The following PDE4DIP variants were observed in gnomAD, a reference collection of about 807,000 sequenced individuals.
PDE4DIP encodes the protein myomegalin.
In PDE4DIP, 59 loss-of-function variants were observed where a neutral mutation model predicts 221.4. The ratio of observed to expected loss-of-function variants is 0.27; its 90% CI spans 0.22 to 0.33. PDE4DIP has a LOEUF of 0.33. PDE4DIP is among the 10% of genes least tolerant of loss of function. The probability of loss-of-function intolerance (pLI) is 1.00; values close to 1 mark genes in which losing one functional copy is unlikely to be tolerated. For missense variants in PDE4DIP, 1,036 were observed against 2,154.2 expected, an observed-to-expected ratio of 0.48 and a Z score of 10.28; for synonymous variants, 404 against 815.9, an observed-to-expected ratio of 0.50 and a Z score of 8.60.
chr1:149,014,658 A>G (rs1553608967), intron 32 of PDE4DIP, among the ~76,000 whole-genome samples: 1 of 114,074 alleles, frequency 8.8e-6, no homozygotes, highest in Admixed American at 9.6e-5. Context: ...CTAGATGAGG[A>G]AGATTGTAGC....
intron 3 of PDE4DIP, among the ~76,000 whole-genome samples, chr1:148,876,920 A>G (rs1691645236): frequency 7.3e-6 from 1 of 137,652 alleles, no homozygotes; most frequent in Non-Finnish European, 1.5e-5. Flanking sequence ...AGGCTGAGGC[A>G]GGAGAATCGC....
At chr1:148,989,698 A>T (rs1467148235) in intron 21 of PDE4DIP, among the ~76,000 whole-genome samples, 1 of 152,188 alleles carries the variant, frequency 6.6e-6, no homozygotes, top group Non-Finnish European at 1.5e-5. Flanking sequence ...CAAAAGAGAA[A>T]CAATGTGAAC....
At chr1:148,962,444 C>G (rs782105448) in exon 9 of PDE4DIP, 4 of 642,572 alleles carry the variant, frequency 6.2e-6, no homozygotes, top group South Asian at 3.9e-5. Flanking sequence ...GAGGGTACTT[C>G]TCCAGCTCAG....
In PDE4DIP at chr1:148,819,978, C is replaced by T. The variant is rs868959355; in HGVS notation, c.233+11241C>T. ...AGTCCTGCTCTGTTTCCCAGGCTGGCGTGCAGCGGCGCGATCTGGCTCACT... is the reference window on the plus strand; with the variant it reads ...AGTCCTGCTCTGTTTCCCAGGCTGGTGTGCAGCGGCGCGATCTGGCTCACT... On this transcript the variant is annotated intron_variant, in intron 1 of 45. Coordinates refer to the PDE4DIP transcript ENST00000524974. 4.1e-4 allele frequency among the ~76,000 whole-genome samples: 10 copies of T among 24,492 alleles called. No homozygotes were observed. In the East Asian group the frequency reaches 0.02, roughly 48 times the overall value. 16.1% of individuals were successfully genotyped at this position (24,492 alleles called of 152,430 possible). A position where few individuals can be genotyped will look rare whatever the true frequency, so the allele number is the denominator to read the frequency against.
chr1:148,964,125 T>C (rs1412650412), intron 9 of PDE4DIP, among the ~76,000 whole-genome samples: 1 of 148,246 alleles, frequency 6.7e-6, no homozygotes, highest in Admixed American at 6.7e-5. Context: ...TTTTTTTTTT[T>C]TGAGACAGAG....
intron 19 of PDE4DIP, 49 bp downstream of exon 22, chr1:148,978,464 A>G: frequency 8.3e-7 from 1 of 1,206,782 alleles, no homozygotes; most frequent in Non-Finnish European, 1.2e-6. Context: ...ATTTTTTTGT[A>G]TTCTTTTTTT....
Position 149,030,073 on chromosome 1 carries a change from A to G in PDE4DIP, c.6952+148A>G, listed in dbSNP as rs1173228007. On this transcript the variant is annotated intron_variant, in intron 42 of 43. Transcript: ENST00000369354. ...CCCCAAACCTCCTGTACCAGGAGCA[A>G]TTGTGGCTGCAGAGGGAGGGGAGGA... The G allele has an allele frequency of 1.3e-3, 1,429 of 1,087,730 alleles. 22 individuals are homozygous for G. In the East Asian group the frequency reaches 0.034, roughly 26 times the overall value. The allele number at this position is 1,087,730 out of a possible 1,614,324, so 67.4% of individuals were successfully genotyped here.
At position 148,968,080 on chromosome 1, in the gene PDE4DIP, G is replaced by A. The variant is rs587604870; in HGVS notation, c.1785+175G>A. 2.1e-3 allele frequency among the ~76,000 whole-genome samples: 320 copies of A among 149,040 alleles called. 1 individual carries two copies. Among genetic ancestry groups the A allele is most frequent in the Middle Eastern group, 7.0e-3 (2 of 284 alleles). ...TTTTTCCCCACGTCTAGAAACTTAA[G>A]TTGGCAATTAACTTTCTCAAAGAAC... is the stretch of plus-strand genomic sequence containing the variant. On this transcript the variant is annotated intron_variant, in intron 13 of 43. Transcript: ENST00000369354.
intron 1 of PDE4DIP, among the ~76,000 whole-genome samples, chr1:148,820,716 G>T (rs1232463032): frequency 6.1e-5 from 6 of 98,264 alleles, no homozygotes; most frequent in Middle Eastern, 5.1e-3. Context: ...TTTTTTTTTG[G>T]GGGGGGGGTG....
At chr1:149,022,834 A>T (rs2073479975) in intron 37 of PDE4DIP, among the ~76,000 whole-genome samples, 1 of 151,818 alleles carries the variant, frequency 6.6e-6, no homozygotes, top group Non-Finnish European at 1.5e-5. Context: ...TGGAATTGGG[A>T]GACATTAGAA....
chr1:149,030,391 C>T (rs1698584), intron 43 of PDE4DIP, 113 bp downstream of exon 46: 51 of 1,526,984 alleles, frequency 3.3e-5, no homozygotes, highest in East Asian at 2.5e-4. Flanking sequence ...CAGGAGAAGA[C>T]TTGGGGTCCA....
intron 5 of PDE4DIP, among the ~76,000 whole-genome samples, chr1:148,947,136 T>G (rs1236832844): frequency 1.3e-5 from 2 of 152,284 alleles, no homozygotes; most frequent in Non-Finnish European, 2.9e-5. Flanking sequence ...TTGATTGATT[T>G]AACAAATACT....
chr1:148,962,324 G>T (rs782674429), intron 8 of PDE4DIP, 36 bp downstream of exon 11: 3 of 1,521,364 alleles, frequency 2.0e-6, no homozygotes, highest in Non-Finnish European at 2.7e-6. Context: ...AGAGACTTCA[G>T]TTGGGGATGT....
In PDE4DIP at chr1:148,977,674, G is replaced by C. The variant is rs1400910637; in HGVS notation, c.2320-263G>C. 2.0e-5 allele frequency among the ~76,000 whole-genome samples: 3 copies of C among 152,174 alleles called. No homozygotes were observed. In the East Asian group the frequency reaches 5.8e-4, roughly 29 times the overall value. ...TGCTAATGGTAACCATTCTTTTTCA[G>C]TATCATAATAAGCTTGTTAAACAAA... On this transcript the variant is annotated intron_variant, in intron 17 of 43. Coordinates refer to ENST00000369354, the Ensembl canonical transcript of PDE4DIP.
At chr1:148,949,618 A>T (rs1373666438) in intron 5 of PDE4DIP, among the ~76,000 whole-genome samples, 4 of 152,242 alleles carry the variant, frequency 2.6e-5, no homozygotes, top group Non-Finnish European at 5.9e-5. Flanking sequence ...CTTGACCACA[A>T]GATAATAATG....
chr1:148,838,931 G>A (rs1281926939), intron 1 of PDE4DIP, among the ~76,000 whole-genome samples: 1 of 21,952 alleles, frequency 4.6e-5, no homozygotes, highest in Non-Finnish European at 1.1e-4. Flanking sequence ...CATTTTTCTC[G>A]AGGCCTTTCT....
chr1:149,011,238 G>A (rs587637243), intron 31 of PDE4DIP, among the ~76,000 whole-genome samples: 6 of 80,558 alleles, frequency 7.4e-5, no homozygotes, highest in East Asian at 4.7e-4. Flanking sequence ...CCTTGTCTTC[G>A]CCTCCTACCT....
At chr1:148,951,925 C>T (rs2053416357) in intron 5 of PDE4DIP, 2 of 671,766 alleles carry the variant, frequency 3.0e-6, no homozygotes, top group Non-Finnish European at 3.7e-6. Flanking sequence ...TGCCTCGCAG[C>T]CTCAGGCCCT....
chr1:149,009,017 G>A (rs587715287), intron 29 of PDE4DIP, among the ~76,000 whole-genome samples: 1 of 152,136 alleles, frequency 6.6e-6, no homozygotes, highest in Non-Finnish European at 1.5e-5. Context: ...GCCACTAGTT[G>A]GGGTTCTTTG....
Sources: allele counts gnomAD v4.1 joint callset (sites outside exome capture counted in the v4.1 genomes callset), GRCh38; gene constraint gnomAD v4.1.1; transcripts MANE v1.5; gene names NCBI Gene and HGNC (gene_info 2026-07-23, HGNC 2026-07-21).